Variants in ACAT2 observed in about 807,000 individuals in gnomAD.
ACAT2 encodes the protein acetyl-CoA acetyltransferase, cytosolic.
In ACAT2, 26 loss-of-function variants were observed where a neutral mutation model predicts 37.1. The observed-to-expected ratio is 0.70, with a 90% CI of 0.51 to 0.97. The LOEUF is 0.97. ACAT2 is among the 50% of genes least tolerant of loss of function. ACAT2 has a pLI of 0.00. For missense variants in ACAT2, 468 were observed against 489.0 expected (o/e 0.96, Z 0.40); for synonymous variants, 156 against 163.6 (o/e 0.95, Z 0.35).
chr6:159,777,906 G>A (rs1017888058), intron 7 of ACAT2, among the ~76,000 whole-genome samples: 2 of 152,044 alleles, frequency 1.3e-5, no homozygotes, highest in Admixed American at 6.5e-5. Context: ...TTAGCCTTAG[G>A]TACACATAAC....
chr6:159,763,403 G>A (rs1307306754), intron 2 of ACAT2, among the ~76,000 whole-genome samples: 2 of 151,972 alleles, frequency 1.3e-5, no homozygotes, highest in African/African-American at 4.8e-5. Flanking sequence ...AAATAAAATA[G>A]CCAGGTATGA....
Position 159,768,518 on chromosome 6 carries a change from A to G in ACAT2, c.380A>G (p.His127Arg). The G allele has an allele frequency of 6.2e-7, 1 of 1,611,186 alleles. No homozygotes were observed. The highest frequency in any genetic ancestry group is 8.5e-7 in the Non-Finnish European group (1 of 1,177,388). Residue 127 changes from histidine (H) to arginine (R), a missense_variant, in exon 4 of 9, where the codon CAC becomes CGC. Physicochemically the swap from His to Arg is conservative, Grantham distance 29. Coordinates refer to ENST00000367048, the MANE Select transcript of ACAT2 (RefSeq NM_005891.3). ...GGMENMSKAP[H>R]LAYLRTGVKI... is the part of the protein sequence containing the mutation. ...TTTATTTCTGACTTCTAGGCTCCTC[A>G]CTTGGCTTACTTGAGAACAGGAGTA...
At chr6:159,769,828 G>A (rs1330649830) in intron 4 of ACAT2, among the ~76,000 whole-genome samples, 1 of 152,102 alleles carries the variant, frequency 6.6e-6, no homozygotes, top group African/African-American at 2.4e-5. Flanking sequence ...GAATAAGGGG[G>A]AGAAGAAAAA....
In ACAT2 at chr6:159,776,138, T is replaced by A; in HGVS notation, c.635-12T>A. On this transcript the variant is annotated splice_polypyrimidine_tract_variant and intron_variant, in intron 5 of 8. Transcript: ENST00000367048. ...TGGACTAATCTTGAGTAATTGGTTTTCCTTTGCTTAGGTCTTATTGAAGTT... is the reference window on the plus strand; with the variant it reads ...TGGACTAATCTTGAGTAATTGGTTTACCTTTGCTTAGGTCTTATTGAAGTT... 6.2e-7 allele frequency: 1 copy of A among 1,612,758 alleles called. No homozygotes were observed. Among genetic ancestry groups the A allele is most frequent in the Non-Finnish European group, 8.5e-7 (1 of 1,179,420 alleles).
chr6:159,762,197 A>G, intron 1 of ACAT2, 55 bp downstream of exon 1: 1 of 1,568,778 alleles, frequency 6.4e-7, no homozygotes, highest in Admixed American at 1.8e-5. Flanking sequence ...CTTCGGCAGG[A>G]GCGCCGAGGG....
At chr6:159,765,362 C>T (rs976861550) in intron 2 of ACAT2, among the ~76,000 whole-genome samples, 6 of 151,796 alleles carry the variant, frequency 4.0e-5, no homozygotes, top group African/African-American at 7.3e-5. Flanking sequence ...GTTATCCACC[C>T]GCCTCGGCCT....
intron 1 of ACAT2, chr6:159,762,695 C>T: frequency 6.6e-7 from 1 of 1,510,622 alleles, no homozygotes. Context: ...AGCGGCGTCC[C>T]TAGGCCGTTC....
At position 159,768,419 on chromosome 6, in the gene ACAT2, G is replaced by C. The variant is rs958227477; in HGVS notation, c.373-92G>C. On this transcript the variant is annotated intron_variant, in intron 3 of 8. Coordinates refer to ENST00000367048, the MANE Select transcript of ACAT2 (RefSeq NM_005891.3). Reference sequence around the variant, plus strand: ...AGGGCTGCAAAGGGGCCTAGATGAAGACTTAGGAAATACTAGATAGTTTTG... The same window carrying C: ...AGGGCTGCAAAGGGGCCTAGATGAACACTTAGGAAATACTAGATAGTTTTG... The C allele has an allele frequency of 5.2e-6, 5 of 962,456 alleles. No homozygotes were observed. The African/African-American group carries it at 8.0e-5, about 15-fold the overall frequency. The allele number at this position is 962,456 out of a possible 1,614,324, so 59.6% of individuals were successfully genotyped here.
At chr6:159,769,583 A>C (rs1241840858) in intron 4 of ACAT2, among the ~76,000 whole-genome samples, 1 of 152,246 alleles carries the variant, frequency 6.6e-6, no homozygotes. Flanking sequence ...ATAAACAAGC[A>C]TAAAACTTGT....
chr6:159,778,358 TGGCC>T (rs1780473497), intron 8 of ACAT2, 78 bp downstream of exon 8: 1 of 1,003,564 alleles, frequency 1.0e-6, no homozygotes, highest in African/African-American at 1.7e-5. Context: ...TTCTAGGTGT[TGGCC>T]ATGTGGGTAA....
At chr6:159,772,665 C>T (rs1780355652) in intron 4 of ACAT2, among the ~76,000 whole-genome samples, 1 of 152,042 alleles carries the variant, frequency 6.6e-6, no homozygotes, top group Non-Finnish European at 1.5e-5. Context: ...GTGGCAGGTG[C>T]CTATAGTCCC....
At chr6:159,768,777 G>T (rs1000179727) in intron 4 of ACAT2, 149 bp downstream of exon 4, 7 of 520,340 alleles carry the variant, frequency 1.3e-5, no homozygotes, top group African/African-American at 1.3e-4. Flanking sequence ...AGTGAAGTAA[G>T]TATTCTCTTC....
Position 159,762,497 on chromosome 6 carries a change from G to A in ACAT2, c.55+355G>A, listed in dbSNP as rs951453447. 8 of 1,308,194 alleles carry A rather than the reference G, an allele frequency of 6.1e-6. No individual in the cohort carries two copies. The Admixed American group carries it at 9.7e-5, about 16-fold the overall frequency. The allele number at this position is 1,308,194 out of a possible 1,614,324, so 81.0% of individuals were successfully genotyped here. On this transcript the variant is annotated intron_variant, in intron 1 of 8. Transcript: ENST00000367048. ...CGCCATCGGTAATGCCTGCGGCAGG[G>A]GCGGAACTGCTAGGTGGTCTGAGCC...
chr6:159,771,592 G>A (rs560902833), intron 4 of ACAT2, among the ~76,000 whole-genome samples: 2 of 150,200 alleles, frequency 1.3e-5, no homozygotes, highest in South Asian at 2.1e-4. Flanking sequence ...GTAGCAAAAA[G>A]TTAAAAAAAG....
chr6:159,766,400 C>CG (rs1002138460), intron 2 of ACAT2, among the ~76,000 whole-genome samples: 2 of 151,616 alleles, frequency 1.3e-5, no homozygotes, highest in Admixed American at 6.6e-5. Context: ...TAAGCACCCC[C>CG]CCGCACTTTT....
At chr6:159,762,518 G>A in intron 1 of ACAT2, 1 of 1,305,898 alleles carries the variant, frequency 7.7e-7, no homozygotes, top group Non-Finnish European at 9.8e-7. Flanking sequence ...TAGGTGGTCT[G>A]AGCCCGGCTT....
At chr6:159,775,068 G>A (rs1279613481) in intron 4 of ACAT2, 102 bp from the exon 5 acceptor site, 3 of 1,327,680 alleles carry the variant, frequency 2.3e-6, no homozygotes, top group Admixed American at 4.2e-5. Flanking sequence ...GAGCCTGCTA[G>A]CATATGTGGT....
intron 7 of ACAT2, among the ~76,000 whole-genome samples, chr6:159,777,710 GCACCA>G (rs1780449909): frequency 6.6e-6 from 1 of 150,638 alleles, no homozygotes; most frequent in African/African-American, 2.4e-5. Context: ...AACTACAGGT[GCACCA>G]CGCCTTCTTC....
intron 2 of ACAT2, among the ~76,000 whole-genome samples, chr6:159,764,340 A>G (rs1780219459): frequency 6.6e-6 from 1 of 152,096 alleles, no homozygotes; most frequent in Non-Finnish European, 1.5e-5. Flanking sequence ...CCCCTTGCAA[A>G]TGGGGCATAT....
Sources: allele counts gnomAD v4.1 joint callset (sites outside exome capture counted in the v4.1 genomes callset), GRCh38; gene constraint gnomAD v4.1.1; transcripts MANE v1.5; gene names NCBI Gene and HGNC (gene_info 2026-07-23, HGNC 2026-07-21).